Variants in PTPRD observed in about 807,000 individuals in gnomAD.
PTPRD encodes receptor-type tyrosine-protein phosphatase delta.
PTPRD carries 34 observed loss-of-function variants against 214.5 expected under a neutral mutation model. That is an observed-to-expected ratio of 0.16 (90% CI 0.12 to 0.21). The LOEUF is 0.21. PTPRD is among the 10% of genes least tolerant of loss of function. The pLI is 1.00. For missense variants in PTPRD, 2,545 were observed against 2,398.7 expected (o/e 1.06, Z -1.27); for synonymous variants, 1,128 against 845.7 (o/e 1.33, Z -5.79).
At chr9:8,623,821 G>C (rs1036372823) in intron 14 of PTPRD, among the ~76,000 whole-genome samples, 3 of 151,800 alleles carry the variant, frequency 2.0e-5, no homozygotes, top group Admixed American at 1.3e-4. Context: ...CTGTCTGTTT[G>C]CTGAACCTAC....
intron 5 of PTPRD, among the ~76,000 whole-genome samples, chr9:9,805,270 G>C (rs911922452): frequency 4.6e-5 from 7 of 152,032 alleles, no homozygotes; most frequent in East Asian, 1.9e-4. Context: ...AAAGTGCTTT[G>C]CCTAGTGCCC....
intron 5 of PTPRD, among the ~76,000 whole-genome samples, chr9:9,821,050 T>C (rs578089318): frequency 3.8e-4 from 58 of 152,314 alleles, no homozygotes; most frequent in Non-Finnish European, 4.6e-4. Context: ...GCACTGAATC[T>C]GTATATTGCT....
At chr9:10,385,480 G>C (rs916333170) in intron 2 of PTPRD, among the ~76,000 whole-genome samples, 3 of 151,754 alleles carry the variant, frequency 2.0e-5, no homozygotes, top group East Asian at 1.9e-4. Flanking sequence ...ATAAAAAAGA[G>C]TATACATTTC....
intron 11 of PTPRD, among the ~76,000 whole-genome samples, chr9:8,842,481 G>A (rs1331361053): frequency 6.6e-6 from 1 of 152,156 alleles, no homozygotes; most frequent in Non-Finnish European, 1.5e-5. Context: ...TACATTAGTA[G>A]AACTACCTTT....
chr9:10,292,323 T>TC (rs530889979), intron 3 of PTPRD, among the ~76,000 whole-genome samples: 68 of 152,160 alleles, frequency 4.5e-4, no homozygotes, highest in African/African-American at 1.2e-3. Flanking sequence ...AATGCCACTA[T>TC]CCTAGTCCAA....
intron 3 of PTPRD, among the ~76,000 whole-genome samples, chr9:10,320,041 G>T (rs779925604): frequency 6.6e-6 from 1 of 152,032 alleles, no homozygotes. Flanking sequence ...TAGTGGATCA[G>T]TAAGTAGCTT....
intron 5 of PTPRD, among the ~76,000 whole-genome samples, chr9:9,891,296 C>G (rs186838257): frequency 6.6e-6 from 1 of 151,732 alleles, no homozygotes; most frequent in East Asian, 1.9e-4. Flanking sequence ...TTATTTTAGA[C>G]TTTTTGTTCC....
intron 11 of PTPRD, chr9:8,958,617 T>C (rs2099143664): frequency 6.6e-6 from 1 of 151,968 alleles, no homozygotes; most frequent in Non-Finnish European, 1.5e-5. Flanking sequence ...CAGTAAATAT[T>C]TGAGAAACGG....
intron 8 of PTPRD, among the ~76,000 whole-genome samples, chr9:9,569,924 T>A (rs546575281): frequency 6.5e-4 from 98 of 151,634 alleles, no homozygotes; most frequent in Non-Finnish European, 4.6e-4. Context: ...ACTAAAGGAT[T>A]TAGGTGAGGC....
intron 9 of PTPRD, among the ~76,000 whole-genome samples, chr9:9,257,859 T>C (rs113263356): frequency 5.9e-5 from 9 of 151,930 alleles, no homozygotes; most frequent in Non-Finnish European, 7.4e-5. Flanking sequence ...TAGGGACAAG[T>C]GGTCTTAAAA....
chr9:10,032,163 CT>C, intron 4 of PTPRD, among the ~76,000 whole-genome samples: 1 of 152,128 alleles, frequency 6.6e-6, no homozygotes. Context: ...TGAAAAACAA[CT>C]GTTTTATAGA....
intron 7 of PTPRD, among the ~76,000 whole-genome samples, chr9:9,673,085 A>G (rs939748746): frequency 3.9e-5 from 6 of 152,038 alleles, no homozygotes; most frequent in Non-Finnish European, 8.8e-5. Flanking sequence ...ACACTTCACT[A>G]GGCTGACAAA....
intron 44 of PTPRD, among the ~76,000 whole-genome samples, chr9:8,328,965 ATTAGTAACATGGTCCC>A (rs1836833931): frequency 6.6e-6 from 1 of 152,090 alleles, no homozygotes; most frequent in Admixed American, 6.6e-5. Context: ...CTTGCATTAA[ATTAGTAACATGGTCCC>A]TTAGCTCGGA....
chr9:10,180,567 T>C (rs1413841614), intron 3 of PTPRD, among the ~76,000 whole-genome samples: 1 of 133,478 alleles, frequency 7.5e-6, no homozygotes, highest in African/African-American at 2.8e-5. Flanking sequence ...AAATTAATGA[T>C]AGTAATTTAA....
Position 8,633,608 on chromosome 9 carries a change from A to G in PTPRD, c.211-150T>C, listed in dbSNP as rs536269728. On this transcript the variant is annotated intron_variant, in intron 13 of 45. Coordinates refer to ENST00000381196, the MANE Select transcript of PTPRD (RefSeq NM_002839.4). ...AATTTTGATATAGTGGTGAAAAAAT[A>G]TTTGGTCTAATTTAGTGAATCTTCT... 6.3e-5 allele frequency: 53 copies of G among 838,726 alleles called. No homozygotes were observed. The South Asian group carries it at 1.0e-3, about 16-fold the overall frequency. 52.0% of individuals were successfully genotyped at this position (838,726 alleles called of 1,614,324 possible). A position where few individuals can be genotyped will look rare whatever the true frequency, so the allele number is the denominator to read the frequency against.
intron 2 of PTPRD, among the ~76,000 whole-genome samples, chr9:10,356,586 A>G (rs2097281867): frequency 6.6e-6 from 1 of 152,234 alleles, no homozygotes; most frequent in South Asian, 2.1e-4. Flanking sequence ...AGAGATGAAC[A>G]TAATGCGTTT....
intron 14 of PTPRD, among the ~76,000 whole-genome samples, chr9:8,553,261 T>C (rs551156973): frequency 6.6e-6 from 1 of 152,156 alleles, no homozygotes; most frequent in African/African-American, 2.4e-5. Context: ...ATAGAAATAT[T>C]AGTGAAAGAA....
intron 2 of PTPRD, among the ~76,000 whole-genome samples, chr9:10,518,071 G>A (rs2050738314): frequency 6.6e-6 from 1 of 152,110 alleles, no homozygotes; most frequent in South Asian, 2.1e-4. Context: ...ATGGGTGAAT[G>A]GACTCAATGA....
chr9:8,929,174 C>G (rs964378518), intron 11 of PTPRD, among the ~76,000 whole-genome samples: 3 of 152,116 alleles, frequency 2.0e-5, no homozygotes, highest in Admixed American at 2.0e-4. Context: ...ACTGAACACA[C>G]TTGATTTCTT....
Sources: allele counts gnomAD v4.1 joint callset (sites outside exome capture counted in the v4.1 genomes callset), GRCh38; gene constraint gnomAD v4.1.1; transcripts MANE v1.5; gene names NCBI Gene and HGNC (gene_info 2026-07-23, HGNC 2026-07-21).